Variants in SKI observed in about 807,000 individuals in gnomAD.
The protein encoded by SKI is SKI proto-oncogene, also known as ski oncogene.
In SKI, 23 loss-of-function variants were observed where a neutral mutation model predicts 59.3. The observed-to-expected ratio is 0.39, with a 90% confidence interval of 0.28 to 0.55. SKI has a LOEUF of 0.55. Ranked by LOEUF, SKI falls within the 20% of genes least tolerant of loss-of-function variation. SKI has a pLI of 0.67. For missense variants in SKI, 1,017 were observed against 1,038.9 expected (o/e 0.98, Z 0.29); for synonymous variants, 673 against 488.6 (o/e 1.38, Z -4.98).
intron 1 of SKI, among the ~76,000 whole-genome samples, chr1:2,276,209 C>G (rs959687287): frequency 6.6e-6 from 1 of 151,734 alleles, no homozygotes; most frequent in South Asian, 2.1e-4. Context: ...CCCCACCCCC[C>G]GACCCCCACT....
At chr1:2,273,904 C>A (rs949174923) in intron 1 of SKI, among the ~76,000 whole-genome samples, 4 of 152,124 alleles carry the variant, frequency 2.6e-5, no homozygotes, top group Non-Finnish European at 5.9e-5. Flanking sequence ...CCGCCCACCA[C>A]CCTCTCACTC....
intron 1 of SKI, among the ~76,000 whole-genome samples, chr1:2,263,430 G>A (rs543496662): frequency 6.7e-6 from 1 of 149,714 alleles, no homozygotes. Context: ...TAGAGACGGG[G>A]TTTCAGCATG....
intron 1 of SKI, among the ~76,000 whole-genome samples, chr1:2,272,595 G>T (rs1639649223): frequency 6.6e-6 from 1 of 152,200 alleles, no homozygotes; most frequent in Non-Finnish European, 1.5e-5. Context: ...ATAATGGAGG[G>T]TGAACTGGTT....
chr1:2,279,869 A>G (rs1639834138), intron 1 of SKI, among the ~76,000 whole-genome samples: 1 of 152,136 alleles, frequency 6.6e-6, no homozygotes, highest in Non-Finnish European at 1.5e-5. Flanking sequence ...CTAAGTTTAC[A>G]CCAGTGTGGG....
intron 1 of SKI, among the ~76,000 whole-genome samples, chr1:2,285,612 T>C (rs1454926826): frequency 6.7e-6 from 1 of 149,866 alleles, no homozygotes; most frequent in Non-Finnish European, 1.5e-5. Flanking sequence ...TCACCCAGGC[T>C]GGAGTGCAGT....
At chr1:2,294,184 C>T (rs575628889) in intron 1 of SKI, among the ~76,000 whole-genome samples, 5 of 152,332 alleles carry the variant, frequency 3.3e-5, no homozygotes, top group African/African-American at 1.2e-4. Context: ...CCCACTGGTG[C>T]CCATGGGGTT....
chr1:2,253,806 A>G (rs558970324), intron 1 of SKI, among the ~76,000 whole-genome samples: 11 of 152,216 alleles, frequency 7.2e-5, no homozygotes, highest in Admixed American at 1.3e-4. Flanking sequence ...TGCCCCCCCT[A>G]CCAGGGCTGA....
At chr1:2,251,103 G>T (rs1325638013) in intron 1 of SKI, among the ~76,000 whole-genome samples, 1 of 152,154 alleles carries the variant, frequency 6.6e-6, no homozygotes, top group African/African-American at 2.4e-5. Flanking sequence ...GGCACTGACC[G>T]CACTCTTGGC....
rs946877599 is a variant in SKI, at chr1:2,267,797, C to T, written c.970-35181C>T. ...CAGACTGTCCCAGGACACGGGTCCA[C>T]GGTCACACGGTCTCCAAATGAGCAG... On this transcript the variant is annotated intron_variant, in intron 1 of 6. Transcript: ENST00000378536. This position sits in a 1 kb window ranked among gnomAD's most constrained non-coding sequence, Gnocchi z 4.1. Among the ~76,000 whole-genome samples the T allele has an allele frequency of 8.5e-5, 13 of 152,196 alleles. No individual in the cohort carries two copies. The highest frequency in any genetic ancestry group is 2.1e-4 in the South Asian group (1 of 4,830).
rs904462170 is a variant in SKI at position 2,307,845 on chromosome 1, C to G, written c.*1080C>G. ...GTGCTCGAGTGCTTAGAAACCCCCT[C>G]TGGTGCTTGGTTGAACAAGGGAATC... On this transcript the variant is annotated 3_prime_UTR_variant, in exon 7 of 7. Coordinates refer to ENST00000378536, the MANE Select transcript of SKI (RefSeq NM_003036.4). The G allele has an allele frequency of 6.6e-6, 1 of 152,578 alleles. No homozygotes were observed. Among genetic ancestry groups the G allele is most frequent in the Non-Finnish European group, 1.5e-5 (1 of 68,042 alleles). The allele number at this position is 152,578 out of a possible 1,614,324, so 9.5% of individuals were successfully genotyped here.
chr1:2,274,173 T>C (rs957892737), intron 1 of SKI, among the ~76,000 whole-genome samples: 2 of 152,068 alleles, frequency 1.3e-5, no homozygotes, highest in African/African-American at 2.4e-5. Context: ...GAGGCTGGAC[T>C]CCTTTTCCCT....
intron 1 of SKI, among the ~76,000 whole-genome samples, chr1:2,265,166 G>A (rs1421151814): frequency 6.6e-6 from 1 of 152,206 alleles, no homozygotes; most frequent in Non-Finnish European, 1.5e-5. Flanking sequence ...CCACTTTGCT[G>A]TGGTTTCCCC....
chr1:2,308,491 A>G lies in SKI; in HGVS notation c.*1726A>G, dbSNP rs1640656247. The G allele has an allele frequency of 6.6e-6, 1 of 152,128 alleles. No homozygotes were observed. The highest frequency in any genetic ancestry group is 6.5e-5 in the Admixed American group (1 of 15,278). 9.4% of individuals were successfully genotyped at this position (152,128 alleles called of 1,614,324 possible). A position where few individuals can be genotyped will look rare whatever the true frequency, so the allele number is the denominator to read the frequency against. On this transcript the variant is annotated 3_prime_UTR_variant, in exon 7 of 7. Coordinates refer to ENST00000378536, the MANE Select transcript of SKI (RefSeq NM_003036.4). ...CGGTTGTTCTGTGTGCATGGATTCC[A>G]CACCTCTGCCGTAGGTAGATCCGTC...
At chr1:2,305,022 C>T (rs1019110002) in intron 5 of SKI, among the ~76,000 whole-genome samples, 3 of 152,230 alleles carry the variant, frequency 2.0e-5, no homozygotes, top group African/African-American at 7.2e-5. Context: ...GCCAGCAAGA[C>T]CTGGCGTCTG....
chr1:2,277,813 C>G (rs1223659892), intron 1 of SKI, among the ~76,000 whole-genome samples: 3 of 145,438 alleles, frequency 2.1e-5, no homozygotes, highest in Non-Finnish European at 3.0e-5. Context: ...CACCTGCACT[C>G]ACGCACACAC....
chr1:2,235,512 T>G (rs531279160), intron 1 of SKI, among the ~76,000 whole-genome samples: 3 of 152,258 alleles, frequency 2.0e-5, no homozygotes, highest in Non-Finnish European at 2.9e-5. Context: ...GGGGGCATGA[T>G]AAGCGATAGC....
At chr1:2,248,277 C>T (rs1169689542) in intron 1 of SKI, among the ~76,000 whole-genome samples, 3 of 152,242 alleles carry the variant, frequency 2.0e-5, no homozygotes, top group African/African-American at 4.8e-5. Flanking sequence ...CGGACTCAGC[C>T]TGGCTGGCAG....
intron 1 of SKI, among the ~76,000 whole-genome samples, chr1:2,287,510 G>C (rs1330169907): frequency 6.6e-6 from 1 of 152,000 alleles, no homozygotes; most frequent in South Asian, 2.1e-4. Context: ...CTAATTTTTT[G>C]TATTTTTAGT....
chr1:2,249,576 T>C (rs1433686876), intron 1 of SKI, among the ~76,000 whole-genome samples: 3 of 152,078 alleles, frequency 2.0e-5, no homozygotes, highest in Non-Finnish European at 4.4e-5. Flanking sequence ...TTTCTGGAAA[T>C]GAGAGCAAGG....
Sources: gnomAD v4.1 joint callset for allele counts (sites outside exome capture counted in the v4.1 genomes callset) on GRCh38, gnomAD v4.1.1 for gene constraint, Gnocchi (gnomAD v3.1) non-coding constraint, MANE v1.5 for transcripts, NCBI Gene and HGNC (gene_info 2026-07-23, HGNC 2026-07-21) for gene names.